The following OOEP variants were observed in gnomAD, a reference collection of about 807,000 sequenced individuals.
OOEP encodes the protein oocyte expressed protein.
Under a neutral mutation model 13.7 loss-of-function variants are expected in OOEP, and 16 were observed. The ratio of observed to expected loss-of-function variants is 1.16; its 90% CI spans 0.79 to 1.77. The LOEUF (loss-of-function observed/expected upper bound fraction) is 1.77. Among genes scored for constraint, OOEP ranks in the 40% most tolerant of loss-of-function variants. OOEP has a pLI of 0.00. For missense variants in OOEP, 195 were observed against 193.1 expected (o/e 1.01, Z -0.06); for synonymous variants, 89 against 77.1 (o/e 1.15, Z -0.81).
At chr6:73,372,482 C>T (rs2150779264), upstream of OOEP, among the ~76,000 whole-genome samples, 1 of 152,302 alleles carries the variant, frequency 6.6e-6, no homozygotes, top group South Asian at 2.1e-4. Context: ...AGGAAAGAAC[C>T]TCCCTGCTCA....
In OOEP at chr6:73,368,918, C is replaced by T. The variant is rs1768998855; in HGVS notation, c.371-55G>A. The T allele has an allele frequency of 8.3e-6, 11 of 1,333,090 alleles. No homozygotes were observed. In the South Asian group the frequency reaches 1.2e-4, roughly 14 times the overall value. The allele number at this position is 1,333,090 out of a possible 1,614,324, so 82.6% of individuals were successfully genotyped here. On this transcript the variant is annotated intron_variant, in intron 2 of 2. Transcript: ENST00000370359. ...GGACAGGGACAAGTGTTTGCTGTTTCGAACTACTCCGTGACTGGGAGTTGG... is the reference window on the plus strand; with the variant it reads ...GGACAGGGACAAGTGTTTGCTGTTTTGAACTACTCCGTGACTGGGAGTTGG...
chr6:73,379,494 T>C (rs1264800097), intron 2 of OOEP, among the ~76,000 whole-genome samples: 2 of 151,374 alleles, frequency 1.3e-5, no homozygotes, highest in East Asian at 4.0e-4. Context: ...AAATACAAAA[T>C]TAGCCGGGCA....
intron 2 of OOEP, among the ~76,000 whole-genome samples, chr6:73,388,779 T>C (rs540440537): frequency 6.6e-6 from 1 of 152,338 alleles, no homozygotes; most frequent in South Asian, 2.1e-4. Context: ...GTATAAGATA[T>C]TGCCACCTTC....
chr6:73,386,737 G>C (rs941448762), intron 2 of OOEP, among the ~76,000 whole-genome samples: 12 of 151,772 alleles, frequency 7.9e-5, no homozygotes, highest in African/African-American at 2.9e-4. Flanking sequence ...AGGCCAAGGC[G>C]GGTGGATCAC....
intron 2 of OOEP, among the ~76,000 whole-genome samples, chr6:73,393,051 AG>A (rs756733203): frequency 3.7e-4 from 56 of 151,766 alleles, no homozygotes; most frequent in Non-Finnish European, 6.6e-4. Context: ...TACAGCCATG[AG>A]CCACACCATG....
At chr6:73,385,664 T>G (rs1176821528) in intron 2 of OOEP, among the ~76,000 whole-genome samples, 1 of 151,780 alleles carries the variant, frequency 6.6e-6, no homozygotes. Context: ...CTTGGCTCAC[T>G]GCAACCTCCA....
At chr6:73,379,327 A>G (rs1769171376) in intron 2 of OOEP, among the ~76,000 whole-genome samples, 1 of 150,488 alleles carries the variant, frequency 6.6e-6, no homozygotes. Context: ...CCTGGCCTGA[A>G]AAATAATTTG....
Position 73,369,200 on chromosome 6 carries a change from C to T in OOEP, c.370+6G>A, listed in dbSNP as rs751202746. On this transcript the variant is annotated splice_donor_region_variant and intron_variant, in intron 2 of 2. Coordinates refer to ENST00000370359, the MANE Select transcript of OOEP (RefSeq NM_001080507.3). The stretch of plus-strand genomic sequence containing the variant: ...CCTCCACATGCAGGTTCTCAAAGAC[C>T]CTCACCTCGGGCACGATGTTCTCGG... The T allele has an allele frequency of 3.7e-6, 6 of 1,606,200 alleles. No homozygotes were observed. In the Admixed American group the frequency reaches 5.1e-5, roughly 14 times the overall value.
At chr6:73,393,690 C>T (rs1172188085) in intron 2 of OOEP, among the ~76,000 whole-genome samples, 1 of 152,154 alleles carries the variant, frequency 6.6e-6, no homozygotes, top group Admixed American at 6.5e-5. Context: ...TGGTGGTGCA[C>T]ACCTGTAGTC....
intron 2 of OOEP, among the ~76,000 whole-genome samples, chr6:73,379,362 T>G (rs1769171678): frequency 7.0e-6 from 1 of 143,416 alleles, no homozygotes; most frequent in Non-Finnish European, 1.5e-5. Context: ...TTCAGTGGCC[T>G]GGCCAGGCAT....
exon 1 of OOEP, chr6:73,394,790 G>A: frequency 1.4e-6 from 2 of 1,463,472 alleles, no homozygotes; most frequent in Non-Finnish European, 1.8e-6. Context: ...CTAGCCTCGT[G>A]CGGGCTCCTT....
chr6:73,376,107 T>G (rs1382376782), intron 2 of OOEP, among the ~76,000 whole-genome samples: 1 of 152,162 alleles, frequency 6.6e-6, no homozygotes, highest in Non-Finnish European at 1.5e-5. Context: ...TGAATGACTA[T>G]TATGTTCTTA....
At chr6:73,372,495 G>A (rs908025329), upstream of OOEP, among the ~76,000 whole-genome samples, 2 of 152,186 alleles carry the variant, frequency 1.3e-5, no homozygotes, top group Non-Finnish European at 2.9e-5. Context: ...CCTGCTCAGT[G>A]AGAGGCCAGA....
In OOEP at chr6:73,368,556, T is replaced by G. The variant is rs1252353701; in HGVS notation, c.*228A>C. 2.4e-6 allele frequency: 1 copy of G among 425,516 alleles called. No individual in the cohort carries two copies. Among genetic ancestry groups the G allele is most frequent in the African/African-American group, 2.0e-5 (1 of 50,206 alleles). 26.4% of individuals were successfully genotyped at this position (425,516 alleles called of 1,614,324 possible). ...TCAAAACATGAGTGGGAGTCAATCT[T>G]TTATAAATTTGCTTTATTATAAGTG... On this transcript the variant is annotated 3_prime_UTR_variant, in exon 3 of 3. Transcript: ENST00000370359.
chr6:73,392,619 CTTTTTTTTTT>C (rs70994198), intron 2 of OOEP, among the ~76,000 whole-genome samples: 8 of 43,994 alleles, frequency 1.8e-4, no homozygotes, highest in African/African-American at 3.9e-4. Flanking sequence ...CCTAGGTAAT[CTTTTTTTTTT>C]TTTTTTTTTT....
Position 73,369,798 on chromosome 6 carries a change from G to T in OOEP, c.-6C>A. The T allele has an allele frequency of 6.2e-7, 1 of 1,609,814 alleles. No homozygotes were observed. On this transcript the variant is annotated 5_prime_UTR_variant, in exon 1 of 3. Coordinates refer to ENST00000370359, the MANE Select transcript of OOEP (RefSeq NM_001080507.3). ...GCACCAGCATCATCGACCATACTGG[G>T]ACCAGCAGCCGCGGAGCGCGCTCGA...
chr6:73,376,533 CA>C (rs1206598155), intron 2 of OOEP, among the ~76,000 whole-genome samples: 1 of 151,696 alleles, frequency 6.6e-6, no homozygotes, highest in Non-Finnish European at 1.5e-5. Flanking sequence ...AGTGCAATGG[CA>C]AGATCTCAGC....
chr6:73,369,161 G>T, intron 2 of OOEP, 45 bp downstream of exon 2: 3 of 1,560,606 alleles, frequency 1.9e-6, no homozygotes, highest in Non-Finnish European at 2.6e-6. Context: ...GGCCAGTATG[G>T]TCACTCGTGG....
At chr6:73,389,417 GA>G (rs1334991777) in intron 2 of OOEP, among the ~76,000 whole-genome samples, 2 of 151,986 alleles carry the variant, frequency 1.3e-5, no homozygotes, top group African/African-American at 4.8e-5. Flanking sequence ...TTTTGGTGGG[GA>G]AAAGTAGGTG....
Sources: gnomAD v4.1 joint callset for allele counts (sites outside exome capture counted in the v4.1 genomes callset) on GRCh38, gnomAD v4.1.1 for gene constraint, MANE v1.5 for transcripts, NCBI Gene and HGNC (gene_info 2026-07-23, HGNC 2026-07-21) for gene names.